PDE10A: variants seen among roughly 807,000 people sequenced by gnomAD.
PDE10A encodes cAMP and cAMP-inhibited cGMP 3',5'-cyclic phosphodiesterase 10A.
Under a neutral mutation model 97.7 loss-of-function variants are expected in PDE10A, and 39 were observed. The ratio of observed to expected loss-of-function variants is 0.40; its 90% CI spans 0.31 to 0.52. PDE10A has a LOEUF of 0.52. Among genes scored for constraint, PDE10A ranks in the 20% least tolerant of loss-of-function variants. The probability of loss-of-function intolerance (pLI) is 0.56; values close to 1 mark genes in which losing one functional copy is unlikely to be tolerated. For synonymous variants in PDE10A, 371 were observed against 376.8 expected (o/e 0.98, Z 0.18); for missense variants, 731 against 1,047.8 (o/e 0.70, Z 4.17).
chr6:165,691,573 G>T (rs943145865), intron 1 of PDE10A, among the ~76,000 whole-genome samples: 1 of 129,972 alleles, frequency 7.7e-6, no homozygotes, highest in Non-Finnish European at 1.6e-5. Context: ...GTGCCCATGC[G>T]CACGCATGCA....
At chr6:165,708,193 G>C (rs1381415853) in intron 1 of PDE10A, among the ~76,000 whole-genome samples, 1 of 152,096 alleles carries the variant, frequency 6.6e-6, no homozygotes, top group African/African-American at 2.4e-5. Flanking sequence ...GCAGAGCCCC[G>C]GTCAGGTCAC....
At chr6:165,794,116 T>C (rs199559386) in intron 1 of PDE10A, among the ~76,000 whole-genome samples, 1 of 150,532 alleles carries the variant, frequency 6.6e-6, no homozygotes, top group African/African-American at 2.4e-5. Flanking sequence ...TACGCAGGCA[T>C]ACACACACAC....
intron 1 of PDE10A, among the ~76,000 whole-genome samples, chr6:165,678,514 C>A (rs978670308): frequency 6.6e-6 from 1 of 151,992 alleles, no homozygotes; most frequent in Non-Finnish European, 1.5e-5. Context: ...GGCTCAAATC[C>A]TCATAACCCC....
At chr6:165,390,894 C>G (rs1332475673) in intron 16 of PDE10A, among the ~76,000 whole-genome samples, 1 of 152,178 alleles carries the variant, frequency 6.6e-6, no homozygotes, top group Admixed American at 6.5e-5. Context: ...GCCTGGCATT[C>G]TTAAGATAAC....
intron 1 of PDE10A, among the ~76,000 whole-genome samples, chr6:165,809,992 G>A (rs984291164): frequency 3.3e-5 from 5 of 152,152 alleles, no homozygotes; most frequent in South Asian, 2.1e-4. Context: ...TATGCAGAGC[G>A]CTTGGCAGGC....
In PDE10A at chr6:165,494,534, A is replaced by ATATT. The variant is rs1554273389; in HGVS notation, c.995-12195_995-12192dup. 6.5e-3 allele frequency among the ~76,000 whole-genome samples: 942 copies of ATATT among 144,284 alleles called. 5 individuals are homozygous for ATATT. Among genetic ancestry groups the ATATT allele is most frequent in the African/African-American group, 0.02 (786 of 38,942 alleles). 94.7% of individuals were successfully genotyped at this position (144,284 alleles called of 152,430 possible). On this transcript the variant is annotated intron_variant, in intron 2 of 21. Coordinates refer to ENST00000539869, the MANE Select transcript of PDE10A (RefSeq NM_001385079.1). ...GGTGTGTGCATATATATATATATAT[A>ATATT]TATTTATTTATTTATTTAATAAAGA...
chr6:165,738,172 C>T (rs1465091746), intron 1 of PDE10A, among the ~76,000 whole-genome samples: 2 of 120,478 alleles, frequency 1.7e-5, no homozygotes, highest in Non-Finnish European at 3.3e-5. Flanking sequence ...CTCCCCCCAC[C>T]CCACAACAGT....
chr6:165,635,772 A>G (rs957290616), intron 1 of PDE10A, among the ~76,000 whole-genome samples: 5 of 152,298 alleles, frequency 3.3e-5, no homozygotes, highest in East Asian at 3.9e-4. Flanking sequence ...AACATACACC[A>G]TTTGGGGCAT....
chr6:165,951,667 C>T lies in PDE10A; in HGVS notation c.-615+35862G>A, dbSNP rs138040098. ...CCTAACACTGACTCCCCCATTTAGACGAGTCTGTTCTCCGTTCTCCAGCAC... is the reference window on the plus strand; with the variant it reads ...CCTAACACTGACTCCCCCATTTAGATGAGTCTGTTCTCCGTTCTCCAGCAC... On this transcript the variant is annotated intron_variant, in intron 1 of 19. Coordinates refer to the PDE10A transcript ENST00000366882. Among the ~76,000 whole-genome samples, 132 of 152,252 alleles carry T rather than the reference C, an allele frequency of 8.7e-4. 1 individual carries two copies. The highest frequency in any genetic ancestry group is 3.0e-3 in the African/African-American group (125 of 41,560).
chr6:165,782,662 A>T (rs765814749), intron 1 of PDE10A, among the ~76,000 whole-genome samples: 33 of 152,226 alleles, frequency 2.2e-4, no homozygotes, highest in Non-Finnish European at 3.8e-4. Flanking sequence ...GTCCATGTAT[A>T]ACGTAGTATT....
chr6:165,707,391 C>G (rs146009045), intron 1 of PDE10A, among the ~76,000 whole-genome samples: 2 of 152,352 alleles, frequency 1.3e-5, no homozygotes, highest in Admixed American at 6.5e-5. Context: ...GGCCTGCTTC[C>G]CTCTTCCACC....
At chr6:165,478,408 G>A (rs1209605782) in intron 3 of PDE10A, among the ~76,000 whole-genome samples, 3 of 152,112 alleles carry the variant, frequency 2.0e-5, no homozygotes, top group Admixed American at 6.6e-5. Flanking sequence ...ATGATGGGGG[G>A]GAGGGGGTTG....
At chr6:165,566,679 A>G (rs1226447984) in intron 1 of PDE10A, among the ~76,000 whole-genome samples, 4 of 152,214 alleles carry the variant, frequency 2.6e-5, no homozygotes, top group Non-Finnish European at 4.4e-5. Context: ...GTGCCTGATA[A>G]GTCATGAGTT....
At chr6:165,659,620 G>GTC (rs1790134968) in intron 1 of PDE10A, among the ~76,000 whole-genome samples, 1 of 152,202 alleles carries the variant, frequency 6.6e-6, no homozygotes. Context: ...TCCCAAATAA[G>GTC]ACTGTTCTAA....
intron 1 of PDE10A, among the ~76,000 whole-genome samples, chr6:165,923,522 C>T (rs920759142): frequency 6.6e-6 from 1 of 152,196 alleles, no homozygotes; most frequent in Non-Finnish European, 1.5e-5. Context: ...TGCAGCAGTG[C>T]CCCCTCCTTA....
At chr6:165,968,078 G>C (rs904053720) in intron 1 of PDE10A, among the ~76,000 whole-genome samples, 5 of 152,216 alleles carry the variant, frequency 3.3e-5, no homozygotes, top group Non-Finnish European at 7.3e-5. Context: ...AAAATATGTA[G>C]GGAAGTGGCA....
chr6:165,371,747 T>TA (rs1374030173), intron 18 of PDE10A, among the ~76,000 whole-genome samples: 1 of 151,852 alleles, frequency 6.6e-6, no homozygotes, highest in Non-Finnish European at 1.5e-5. Context: ...ATCATCCTGA[T>TA]ACCAAAGCCG....
At position 165,794,418 on chromosome 6, in the gene PDE10A, A is replaced by ACACT. The variant is rs960181166; in HGVS notation, c.-615+193107_-615+193110dup. Among the ~76,000 whole-genome samples, 7 of 151,586 alleles carry ACACT rather than the reference A, an allele frequency of 4.6e-5. No individual in the cohort carries two copies. In the South Asian group the frequency reaches 1.5e-3, roughly 32 times the overall value. ...ATGCTCACACTCATCACACACTCCTACACTCACTCACACACTCACTTGTAC... is the reference window on the plus strand; with the variant it reads ...ATGCTCACACTCATCACACACTCCTACACTCACTCACTCACACACTCACTTGTAC... On this transcript the variant is annotated intron_variant, in intron 1 of 19. Transcript: ENST00000366882.
At chr6:165,676,394 C>G (rs139905006) in intron 1 of PDE10A, among the ~76,000 whole-genome samples, 389 of 152,276 alleles carry the variant, frequency 2.6e-3, no homozygotes, top group Non-Finnish European at 5.2e-3. Flanking sequence ...TAAACATTTT[C>G]AACAGTAAGA....
Sources: allele counts gnomAD v4.1 joint callset (sites outside exome capture counted in the v4.1 genomes callset), GRCh38; gene constraint gnomAD v4.1.1; transcripts MANE v1.5; gene names NCBI Gene and HGNC (gene_info 2026-07-23, HGNC 2026-07-21).